TRAPPC9: variants seen among roughly 807,000 people sequenced by gnomAD.
The protein encoded by TRAPPC9 is IKK2 binding protein.
TRAPPC9 carries 83 observed loss-of-function variants against 124.0 expected under a neutral mutation model. The ratio of observed to expected loss-of-function variants is 0.67; its 90% CI spans 0.56 to 0.80. TRAPPC9 has a LOEUF of 0.80. Ranked by LOEUF, TRAPPC9 falls within the 30% of genes least tolerant of loss-of-function variation. The pLI is 0.00. For missense variants in TRAPPC9, 1,302 were observed against 1,508.3 expected (o/e 0.86, Z 2.27); for synonymous variants, 638 against 617.5 (o/e 1.03, Z -0.49).
At chr8:140,173,582 G>C (rs1001817167) in intron 17 of TRAPPC9, among the ~76,000 whole-genome samples, 1 of 151,576 alleles carries the variant, frequency 6.6e-6, no homozygotes, top group Admixed American at 6.6e-5. Context: ...AAATCTTCTG[G>C]TTAGCCCACT....
chr8:140,163,514 A>G (rs1349384685), intron 17 of TRAPPC9, among the ~76,000 whole-genome samples: 1 of 152,246 alleles, frequency 6.6e-6, no homozygotes. Context: ...GAAATAATGA[A>G]TAACTGAATG....
intron 21 of TRAPPC9, among the ~76,000 whole-genome samples, chr8:139,855,192 G>A (rs1241314925): frequency 1.3e-5 from 2 of 152,220 alleles, no homozygotes; most frequent in Non-Finnish European, 1.5e-5. Context: ...TAGGCCCAAA[G>A]ATTCTGCATC....
rs112493216 is a variant in TRAPPC9 at position 140,037,697 on chromosome 8, C to T, written c.2557-13618G>A. ...AATACACACACACACATCCCACACA[C>T]GTACACAGACACACATACACCACAC... On this transcript the variant is annotated intron_variant, in intron 17 of 22. Transcript: ENST00000438773. 5.0e-3 allele frequency among the ~76,000 whole-genome samples: 734 copies of T among 145,492 alleles called. 11 individuals are homozygous for T. The highest frequency in any genetic ancestry group is 0.017 in the African/African-American group (699 of 40,368).
At chr8:140,457,300 G>A (rs554006294) in intron 1 of TRAPPC9, among the ~76,000 whole-genome samples, 355 of 152,336 alleles carry the variant, frequency 2.3e-3, no homozygotes, top group Middle Eastern at 6.8e-3. Context: ...GGCACAGAGG[G>A]GAAGGGGACC....
rs573214536 is a variant in TRAPPC9, at chr8:140,342,152, C to T, written c.1495+17898G>A. Among the ~76,000 whole-genome samples, 3 of 152,260 alleles carry T rather than the reference C, an allele frequency of 2.0e-5. No individual in the cohort carries two copies. In the East Asian group the frequency reaches 5.8e-4, roughly 29 times the overall value. On this transcript the variant is annotated intron_variant, in intron 9 of 22. Coordinates refer to ENST00000438773, the MANE Select transcript of TRAPPC9 (RefSeq NM_001160372.4). ...GTGCAGCAGATGGTGGGCGGGCAAA[C>T]GGAAAGCAGGACTGCACTGCACTGC...
chr8:140,213,026 G>A (rs1056692435), intron 17 of TRAPPC9, among the ~76,000 whole-genome samples: 4 of 150,492 alleles, frequency 2.7e-5, no homozygotes, highest in African/African-American at 9.8e-5. Flanking sequence ...CCAAGATCGT[G>A]CCACTGCACC....
At chr8:140,105,756 C>A (rs974987693) in intron 17 of TRAPPC9, among the ~76,000 whole-genome samples, 5 of 152,098 alleles carry the variant, frequency 3.3e-5, no homozygotes, top group African/African-American at 9.7e-5. Context: ...TTAATCGCAT[C>A]TTCATTACCT....
At chr8:140,245,825 G>A (rs1369980378) in intron 16 of TRAPPC9, among the ~76,000 whole-genome samples, 1 of 152,164 alleles carries the variant, frequency 6.6e-6, no homozygotes, top group African/African-American at 2.4e-5. Flanking sequence ...AAGGTGCTGT[G>A]TTCTCCCAGC....
intron 9 of TRAPPC9, among the ~76,000 whole-genome samples, chr8:140,328,534 A>T (rs1244823871): frequency 6.6e-6 from 1 of 152,102 alleles, no homozygotes; most frequent in Non-Finnish European, 1.5e-5. Context: ...GAGCTAAGCT[A>T]TGAGGATGCA....
At chr8:140,136,208 G>A (rs1482254709) in intron 17 of TRAPPC9, among the ~76,000 whole-genome samples, 2 of 152,108 alleles carry the variant, frequency 1.3e-5, no homozygotes, top group East Asian at 1.9e-4. Flanking sequence ...AGAGGAGAGG[G>A]CTGTGGGAAG....
At chr8:139,812,379 G>A (rs571574004) in intron 21 of TRAPPC9, among the ~76,000 whole-genome samples, 4 of 152,166 alleles carry the variant, frequency 2.6e-5, no homozygotes, top group Non-Finnish European at 5.9e-5. Flanking sequence ...AGGTAGAGGC[G>A]AGCAGCCCAC....
At chr8:139,783,776 T>C (rs1435363496) in intron 21 of TRAPPC9, among the ~76,000 whole-genome samples, 1 of 152,202 alleles carries the variant, frequency 6.6e-6, no homozygotes, top group African/African-American at 2.4e-5. Flanking sequence ...ATCCAACATA[T>C]ATGAAAACAT....
intron 10 of TRAPPC9, among the ~76,000 whole-genome samples, chr8:140,300,856 G>A (rs2065956767): frequency 1.3e-5 from 2 of 152,316 alleles, no homozygotes; most frequent in Middle Eastern, 6.8e-3. Flanking sequence ...TTCCCTCTGG[G>A]GACTCCTGAA....
intron 6 of TRAPPC9, among the ~76,000 whole-genome samples, chr8:140,401,941 T>TTAATTA (rs2069291662): frequency 6.6e-6 from 1 of 151,948 alleles, no homozygotes; most frequent in Non-Finnish European, 1.5e-5. Flanking sequence ...TTTTTTTTTT[T>TTAATTA]TAATTAATTC....
At chr8:139,828,577 G>A (rs771066873) in intron 21 of TRAPPC9, among the ~76,000 whole-genome samples, 3 of 152,204 alleles carry the variant, frequency 2.0e-5, no homozygotes, top group Admixed American at 1.3e-4. Flanking sequence ...GAGATTTCCC[G>A]GCATGGGGCT....
At chr8:139,861,105 C>T (rs1828112555) in intron 21 of TRAPPC9, among the ~76,000 whole-genome samples, 1 of 152,252 alleles carries the variant, frequency 6.6e-6, no homozygotes, top group African/African-American at 2.4e-5. Context: ...TGCTTGTTCC[C>T]TGCTGCCGCA....
chr8:140,167,492 G>A (rs898992999), intron 17 of TRAPPC9, among the ~76,000 whole-genome samples: 1 of 152,186 alleles, frequency 6.6e-6, no homozygotes, highest in Non-Finnish European at 1.5e-5. Flanking sequence ...ACCTGACAAG[G>A]GTGGAAACGG....
chr8:139,835,863 C>A (rs1826304441), intron 21 of TRAPPC9, among the ~76,000 whole-genome samples: 1 of 152,134 alleles, frequency 6.6e-6, no homozygotes, highest in South Asian at 2.1e-4. Context: ...AGAATCACCA[C>A]CCCAATCAGC....
At chr8:139,837,661 T>G (rs900007430) in intron 21 of TRAPPC9, among the ~76,000 whole-genome samples, 2 of 152,198 alleles carry the variant, frequency 1.3e-5, no homozygotes, top group African/African-American at 4.8e-5. Flanking sequence ...TGCTGAGTCC[T>G]AGCTCTGTCC....
Sources: allele counts gnomAD v4.1 joint callset (sites outside exome capture counted in the v4.1 genomes callset), GRCh38; gene constraint gnomAD v4.1.1; transcripts MANE v1.5; gene names NCBI Gene and HGNC (gene_info 2026-07-23, HGNC 2026-07-21).